The following DEUP1 variants were observed in gnomAD, a reference collection of about 807,000 sequenced individuals.
DEUP1 encodes the protein coiled-coil domain containing 67.
A neutral mutation model predicts 87.4 loss-of-function variants in DEUP1; 82 were observed. That is an observed-to-expected ratio of 0.94 (90% CI 0.78 to 1.13). The LOEUF (loss-of-function observed/expected upper bound fraction) is 1.13. Ranked by LOEUF, DEUP1 falls within the 50% of genes most tolerant of loss-of-function variation. The pLI is 0.00. For missense variants in DEUP1, 663 were observed against 681.5 expected (o/e 0.97, Z 0.30); for synonymous variants, 214 against 222.7 (o/e 0.96, Z 0.35).
intron 13 of DEUP1, among the ~76,000 whole-genome samples, chr11:93,434,180 G>C (rs1008638176): frequency 1.3e-5 from 2 of 152,138 alleles, no homozygotes; most frequent in Non-Finnish European, 2.9e-5. Flanking sequence ...GCTTCTTCAC[G>C]ATTCTTGCTG....
At chr11:93,346,610 T>C (rs192857921) in intron 2 of DEUP1, among the ~76,000 whole-genome samples, 362 of 152,318 alleles carry the variant, frequency 2.4e-3, no homozygotes, top group African/African-American at 8.2e-3. Flanking sequence ...AGGAATAACA[T>C]TGAATCTATA....
At position 93,417,431 on chromosome 11, in the gene DEUP1, T is replaced by C. The variant is rs1947683579; in HGVS notation, c.1638+2317T>C. 2.6e-5 allele frequency among the ~76,000 whole-genome samples: 4 copies of C among 152,094 alleles called. No individual in the cohort carries two copies. In the South Asian group the frequency reaches 8.3e-4, roughly 32 times the overall value. On this transcript the variant is annotated intron_variant, in intron 13 of 13. Transcript: ENST00000298050. ...ATCATGAGTGAACTCCCATTCACAATTGCTTCAAAGATAATAAAATACCTA... is the reference window on the plus strand; with the variant it reads ...ATCATGAGTGAACTCCCATTCACAACTGCTTCAAAGATAATAAAATACCTA...
At chr11:93,375,316 T>A (rs973333909) in intron 7 of DEUP1, among the ~76,000 whole-genome samples, 1 of 152,204 alleles carries the variant, frequency 6.6e-6, no homozygotes, top group African/African-American at 2.4e-5. Context: ...TGGCTAGGAC[T>A]TTCAGTACTA....
At chr11:93,371,366 A>G in intron 7 of DEUP1, 86 bp downstream of exon 7, 1 of 1,333,930 alleles carries the variant, frequency 7.5e-7, no homozygotes, top group South Asian at 1.6e-5. Flanking sequence ...TTAGAATGGT[A>G]GTTTTCTATT....
chr11:93,435,718 C>A (rs905531423), intron 13 of DEUP1, among the ~76,000 whole-genome samples: 1 of 152,100 alleles, frequency 6.6e-6, no homozygotes, highest in Non-Finnish European at 1.5e-5. Flanking sequence ...ATTTTTTCAC[C>A]AGGCATGGTG....
At chr11:93,418,278 C>T (rs1181384223) in intron 13 of DEUP1, among the ~76,000 whole-genome samples, 27 of 152,060 alleles carry the variant, frequency 1.8e-4, no homozygotes, top group Admixed American at 3.3e-4. Context: ...TCGCAACCTA[C>T]TCATCTGACA....
At position 93,415,015 on chromosome 11, in the gene DEUP1, T is replaced by C. The variant is rs1947562985; in HGVS notation, c.1539T>C (p.Cys513=). ...TCTCTTTTAGACTTAGTCATGACTG[T>C]GAGCCAAACAGAAGTACAATGCCTC... ...EQNEERLSHD[C]EPNRSTMPPL... is the part of the protein sequence containing the mutation. Residue 513 remains cysteine, a synonymous_variant, in exon 13 of 14, where the codon TGT becomes TGC. Transcript: ENST00000298050. 6.3e-7 allele frequency: 1 copy of C among 1,578,600 alleles called. No homozygotes were observed. The highest frequency in any genetic ancestry group is 1.2e-5 in the South Asian group (1 of 82,978).
chr11:93,409,544 C>G (rs991112173), intron 12 of DEUP1, among the ~76,000 whole-genome samples: 6 of 152,146 alleles, frequency 3.9e-5, no homozygotes, highest in African/African-American at 1.4e-4. Context: ...GCAGCACTCC[C>G]CAGACATATT....
chr11:93,429,963 A>T (rs1391273135), intron 13 of DEUP1, among the ~76,000 whole-genome samples: 1 of 152,182 alleles, frequency 6.6e-6, no homozygotes, highest in Non-Finnish European at 1.5e-5. Context: ...AGTGGTTTCC[A>T]TCTTCTAATG....
chr11:93,389,630 A>G (rs998964736), intron 9 of DEUP1, among the ~76,000 whole-genome samples: 1 of 152,146 alleles, frequency 6.6e-6, no homozygotes, highest in African/African-American at 2.4e-5. Flanking sequence ...ATCTAATGAA[A>G]TAGGTCTTAA....
chr11:93,393,163 C>T (rs1477210465), intron 9 of DEUP1, among the ~76,000 whole-genome samples: 1 of 141,936 alleles, frequency 7.0e-6, no homozygotes, highest in Non-Finnish European at 1.5e-5. Flanking sequence ...TCAGGGCCTA[C>T]TGCAGCCTAG....
At chr11:93,334,053 G>T (rs1399960386) in intron 2 of DEUP1, among the ~76,000 whole-genome samples, 2 of 152,124 alleles carry the variant, frequency 1.3e-5, no homozygotes, top group African/African-American at 4.8e-5. Context: ...ACTTGTTTGG[G>T]TATGGTGTAA....
intron 2 of DEUP1, among the ~76,000 whole-genome samples, chr11:93,341,098 A>G (rs1020062144): frequency 7.2e-5 from 11 of 152,182 alleles, no homozygotes; most frequent in Non-Finnish European, 1.3e-4. Context: ...AAGAATTTGG[A>G]TATACATTGT....
intron 11 of DEUP1, among the ~76,000 whole-genome samples, chr11:93,400,553 A>G (rs12289847): frequency 0.25 from 38,391 of 151,940 alleles, 5,198 homozygotes; most frequent in Middle Eastern, 0.38. Context: ...TCATTTTTAC[A>G]CTATAAAGAC....
chr11:93,361,333 C>A (rs142565695), intron 4 of DEUP1, among the ~76,000 whole-genome samples: 11 of 151,958 alleles, frequency 7.2e-5, no homozygotes, highest in African/African-American at 2.7e-4. Context: ...AAGACATCAG[C>A]GAAGAAGTAA....
intron 7 of DEUP1, among the ~76,000 whole-genome samples, chr11:93,378,311 T>C (rs916175095): frequency 1.3e-5 from 2 of 152,138 alleles, no homozygotes; most frequent in African/African-American, 4.8e-5. Context: ...TTTTAAATTC[T>C]TTTTTGTCTT....
intron 13 of DEUP1, among the ~76,000 whole-genome samples, chr11:93,436,678 G>A (rs550386980): frequency 3.3e-5 from 5 of 152,090 alleles, no homozygotes; most frequent in Non-Finnish European, 5.9e-5. Context: ...AGGTTCACAT[G>A]TATACAGATT....
chr11:93,388,095 G>T (rs1383114608), intron 8 of DEUP1, among the ~76,000 whole-genome samples: 1 of 151,974 alleles, frequency 6.6e-6, no homozygotes, highest in Non-Finnish European at 1.5e-5. Context: ...GTAACTCAGG[G>T]ATATCACTAC....
intron 11 of DEUP1, 82 bp downstream of exon 11, chr11:93,396,407 C>G: frequency 1.2e-6 from 1 of 838,790 alleles, no homozygotes; most frequent in Non-Finnish European, 1.8e-6. Context: ...ATTTATTGAG[C>G]ACTTGCTGTG....
Sources: allele counts gnomAD v4.1 joint callset (sites outside exome capture counted in the v4.1 genomes callset), GRCh38; gene constraint gnomAD v4.1.1; transcripts MANE v1.5; gene names NCBI Gene and HGNC (gene_info 2026-07-23, HGNC 2026-07-21).